FBXW11: variants seen among roughly 807,000 people sequenced by gnomAD.
FBXW11 encodes the protein F-box and WD repeat domain containing 11, also known as F-box/WD repeat-containing protein 11.
FBXW11 carries 19 observed loss-of-function variants against 77.6 expected under a neutral mutation model. The observed-to-expected ratio is 0.24, with a 90% CI of 0.17 to 0.36. The LOEUF is 0.36. FBXW11 is among the 10% of genes least tolerant of loss of function. The pLI is 1.00. For missense variants in FBXW11, 334 were observed against 704.2 expected (o/e 0.47, Z 5.95); for synonymous variants, 235 against 249.4 (o/e 0.94, Z 0.54).
chr5:171,958,866 T>A (rs1227432664), intron 1 of FBXW11, among the ~76,000 whole-genome samples: 1 of 152,190 alleles, frequency 6.6e-6, no homozygotes, highest in African/African-American at 2.4e-5. Flanking sequence ...ACTTGTTTGT[T>A]CTAGCTATAA....
intron 6 of FBXW11, among the ~76,000 whole-genome samples, chr5:171,897,831 G>C (rs183082695): frequency 6.6e-6 from 1 of 151,406 alleles, no homozygotes; most frequent in Non-Finnish European, 1.5e-5. Context: ...ACAACTACCT[G>C]GGGTAAGAGA....
intron 1 of FBXW11, among the ~76,000 whole-genome samples, chr5:171,974,232 T>C (rs1032794763): frequency 6.6e-6 from 1 of 152,042 alleles, no homozygotes; most frequent in African/African-American, 2.4e-5. Context: ...GTCAGGAGTT[T>C]GAGACCAGCC....
intron 2 of FBXW11, among the ~76,000 whole-genome samples, chr5:171,950,505 G>A (rs1763249419): frequency 6.6e-6 from 1 of 152,052 alleles, no homozygotes; most frequent in African/African-American, 2.4e-5. Context: ...CTAATCTGGG[G>A]ACATGTCTAT....
chr5:171,902,966 A>G (rs1052422137), intron 4 of FBXW11, among the ~76,000 whole-genome samples: 3 of 152,188 alleles, frequency 2.0e-5, no homozygotes, highest in African/African-American at 7.2e-5. Context: ...TCACTATACT[A>G]TCTATTCTAA....
intron 4 of FBXW11, among the ~76,000 whole-genome samples, chr5:171,901,257 TTC>T (rs1172765357): frequency 2.0e-5 from 3 of 152,234 alleles, no homozygotes; most frequent in Non-Finnish European, 2.9e-5. Context: ...TTAATATCTG[TTC>T]TCTTTTCTCA....
chr5:172,003,697 G>A (rs7727568), intron 1 of FBXW11, among the ~76,000 whole-genome samples: 7,415 of 152,178 alleles, frequency 0.049, 559 homozygotes, highest in African/African-American at 0.17. Context: ...CTCAGGCAGC[G>A]GTAGGAGTCA....
intron 1 of FBXW11, among the ~76,000 whole-genome samples, chr5:171,990,323 A>T (rs1263203981): frequency 6.6e-6 from 1 of 152,198 alleles, no homozygotes; most frequent in Non-Finnish European, 1.5e-5. Flanking sequence ...AGAGAAGAAC[A>T]ATTTAAAAAG....
chr5:171,875,996 T>G (rs1167120186), intron 9 of FBXW11, among the ~76,000 whole-genome samples: 1 of 151,982 alleles, frequency 6.6e-6, no homozygotes, highest in Non-Finnish European at 1.5e-5. Context: ...AATGTAAAGC[T>G]CCCAACACAC....
intron 1 of FBXW11, among the ~76,000 whole-genome samples, 181 bp downstream of exon 1, chr5:172,006,277 G>A (rs546140842): frequency 1.3e-5 from 2 of 152,142 alleles, no homozygotes; most frequent in South Asian, 2.1e-4. Flanking sequence ...GGACCGGCCG[G>A]AGATGTCGAG....
intron 2 of FBXW11, among the ~76,000 whole-genome samples, chr5:171,937,639 C>T (rs1035421120): frequency 6.6e-6 from 1 of 151,860 alleles, no homozygotes; most frequent in African/African-American, 2.4e-5. Flanking sequence ...CCAGCCTGAT[C>T]AACATGGTGA....
At chr5:171,911,499 A>C (rs1439933919) in intron 3 of FBXW11, among the ~76,000 whole-genome samples, 2 of 152,202 alleles carry the variant, frequency 1.3e-5, no homozygotes, top group African/African-American at 4.8e-5. Context: ...ACCTGAAAGC[A>C]ATTCAATCCA....
At position 171,862,994 on chromosome 5, in the gene FBXW11, C is replaced by G. The variant is rs1406148988; in HGVS notation, c.*1133G>C. 6.6e-6 allele frequency: 1 copy of G among 152,204 alleles called. No individual in the cohort carries two copies. Among genetic ancestry groups the G allele is most frequent in the African/African-American group, 2.4e-5 (1 of 41,438 alleles). 9.4% of individuals were successfully genotyped at this position (152,204 alleles called of 1,614,324 possible). A position where few individuals can be genotyped will look rare whatever the true frequency, so the allele number is the denominator to read the frequency against. ...AAATGAATACTATGGGAGGTGACCA[C>G]TTGTACTCAGGAGTACTTATGAGAA... On this transcript the variant is annotated 3_prime_UTR_variant, in exon 14 of 14. Coordinates refer to ENST00000517395, the MANE Select transcript of FBXW11 (RefSeq NM_001378974.1).
chr5:171,891,338 A>G lies in FBXW11; in HGVS notation c.852+129T>C, dbSNP rs779485295. 5 of 801,832 alleles carry G rather than the reference A, an allele frequency of 6.2e-6. No individual in the cohort carries two copies. In the African/African-American group the frequency reaches 8.9e-5, roughly 14 times the overall value. 49.7% of individuals were successfully genotyped at this position (801,832 alleles called of 1,614,324 possible). ...TCTGGCTCTAGTTCTTTAGAACTAC[A>G]CTGAGAGCTGCCAAGATTGAGTGGA... On this transcript the variant is annotated intron_variant, in intron 7 of 13. Coordinates refer to ENST00000517395, the MANE Select transcript of FBXW11 (RefSeq NM_001378974.1).
chr5:171,901,336 TA>T (rs1400485596), intron 4 of FBXW11, among the ~76,000 whole-genome samples: 3 of 152,226 alleles, frequency 2.0e-5, no homozygotes, highest in African/African-American at 4.8e-5. Flanking sequence ...GGTAAATTAT[TA>T]AACTTTCAGA....
chr5:171,973,960 T>C (rs1332454774), intron 1 of FBXW11, among the ~76,000 whole-genome samples: 1 of 152,210 alleles, frequency 6.6e-6, no homozygotes. Context: ...TGTGTGTATG[T>C]TTTTAAGTCT....
intron 10 of FBXW11, among the ~76,000 whole-genome samples, chr5:171,871,061 G>A (rs545488831): frequency 2.6e-5 from 4 of 152,222 alleles, no homozygotes; most frequent in Middle Eastern, 3.4e-3. Flanking sequence ...CACTAACCTA[G>A]GAAGAAGCCT....
rs180907925 is a variant in FBXW11 at position 171,965,669 on chromosome 5, T to C, written c.46-7971A>G. Reference sequence around the variant, plus strand: ...ATTCATCCATATTTTCCGATTTTTCTCCAATGACCACCTAGTACTCATATT... The same window carrying C: ...ATTCATCCATATTTTCCGATTTTTCCCCAATGACCACCTAGTACTCATATT... On this transcript the variant is annotated intron_variant, in intron 1 of 13. Coordinates refer to ENST00000517395, the MANE Select transcript of FBXW11 (RefSeq NM_001378974.1). 2.0e-5 allele frequency among the ~76,000 whole-genome samples: 3 copies of C among 152,326 alleles called. No individual in the cohort carries two copies. In the East Asian group the frequency reaches 5.8e-4, roughly 29 times the overall value.
chr5:171,934,204 T>C (rs1161072524), intron 2 of FBXW11, among the ~76,000 whole-genome samples: 7 of 152,160 alleles, frequency 4.6e-5, no homozygotes, highest in Admixed American at 4.6e-4. Context: ...GCATGTGATG[T>C]TACTTAAAAA....
intron 4 of FBXW11, among the ~76,000 whole-genome samples, chr5:171,900,788 G>T (rs1347040815): frequency 4.6e-5 from 7 of 152,056 alleles, no homozygotes; most frequent in African/African-American, 1.7e-4. Flanking sequence ...AAAAGCAATA[G>T]CCCCATGTCT....
Sources: gnomAD v4.1 joint callset for allele counts (sites outside exome capture counted in the v4.1 genomes callset) on GRCh38, gnomAD v4.1.1 for gene constraint, MANE v1.5 for transcripts, NCBI Gene and HGNC (gene_info 2026-07-23, HGNC 2026-07-21) for gene names.